The following VPS13B variants were observed in gnomAD, a reference collection of about 807,000 sequenced individuals.
VPS13B encodes the protein vacuolar protein sorting 13 homolog B.
Under a neutral mutation model 426.4 loss-of-function variants are expected in VPS13B, and 285 were observed. The ratio of observed to expected loss-of-function variants is 0.67; its 90% CI spans 0.61 to 0.74. The LOEUF is 0.74. Among genes scored for constraint, VPS13B ranks in the 30% least tolerant of loss-of-function variants. The pLI, the probability that VPS13B is intolerant of heterozygous loss-of-function variation, is 0.00. For synonymous variants in VPS13B, 1,676 were observed against 1,676.4 expected, an observed-to-expected ratio of 1.00 and a Z score of 0.01; for missense variants, 4,537 against 4,782.6, an observed-to-expected ratio of 0.95 and a Z score of 1.51.
chr8:99,301,480 G>C (rs1372825818), intron 19 of VPS13B, among the ~76,000 whole-genome samples: 12 of 151,850 alleles, frequency 7.9e-5, no homozygotes, highest in Admixed American at 7.9e-4. Context: ...AGTAGAGATG[G>C]GGTTTCTCCA....
intron 40 of VPS13B, among the ~76,000 whole-genome samples, chr8:99,770,733 C>T (rs1323465586): frequency 2.0e-5 from 3 of 152,182 alleles, no homozygotes; most frequent in African/African-American, 7.2e-5. Context: ...TTGTGGGTAC[C>T]TCCCACTGAC....
chr8:99,248,719 A>G (rs1318138640), intron 17 of VPS13B, among the ~76,000 whole-genome samples: 2 of 152,218 alleles, frequency 1.3e-5, no homozygotes, highest in Non-Finnish European at 2.9e-5. Flanking sequence ...AGGATAACAA[A>G]TAGGTGTTTT....
chr8:99,795,296 C>T (rs1812750247), intron 43 of VPS13B, among the ~76,000 whole-genome samples: 1 of 152,152 alleles, frequency 6.6e-6, no homozygotes, highest in Admixed American at 6.5e-5. Context: ...GCAAGGATCC[C>T]CTTTCCACCC....
chr8:99,477,799 T>C (rs1470657520), intron 24 of VPS13B, among the ~76,000 whole-genome samples: 7 of 152,228 alleles, frequency 4.6e-5, no homozygotes, highest in African/African-American at 1.7e-4. Flanking sequence ...TGCCATTCAG[T>C]GTTCTTAGAC....
chr8:99,087,617 T>G (rs1471610768), intron 3 of VPS13B, among the ~76,000 whole-genome samples: 3 of 146,710 alleles, frequency 2.0e-5, no homozygotes, highest in Admixed American at 6.8e-5. Flanking sequence ...GTTTTTTTGT[T>G]TTTTTTTTTT....
At chr8:99,704,702 C>T (rs1374076039) in intron 36 of VPS13B, among the ~76,000 whole-genome samples, 1 of 152,128 alleles carries the variant, frequency 6.6e-6, no homozygotes, top group East Asian at 1.9e-4. Flanking sequence ...AAATCACTAA[C>T]AAACCTTAAT....
At chr8:99,425,776 A>G (rs1000006188) in intron 21 of VPS13B, among the ~76,000 whole-genome samples, 1 of 152,162 alleles carries the variant, frequency 6.6e-6, no homozygotes, top group Non-Finnish European at 1.5e-5. Flanking sequence ...CTGTTTGCAG[A>G]TGACATGATT....
chr8:99,601,096 C>T (rs1417011072), intron 33 of VPS13B, among the ~76,000 whole-genome samples: 1 of 151,944 alleles, frequency 6.6e-6, no homozygotes, highest in East Asian at 1.9e-4. Context: ...GTTTGCTGCA[C>T]CCATCAACCC....
intron 34 of VPS13B, among the ~76,000 whole-genome samples, chr8:99,654,694 G>A (rs1308201334): frequency 6.6e-6 from 1 of 151,946 alleles, no homozygotes; most frequent in Non-Finnish European, 1.5e-5. Context: ...AGGCTGCTTG[G>A]GAGCTTTAAT....
intron 3 of VPS13B, among the ~76,000 whole-genome samples, chr8:99,083,426 T>A (rs1454361487): frequency 2.0e-5 from 3 of 152,130 alleles, no homozygotes; most frequent in Non-Finnish European, 1.5e-5. Flanking sequence ...ACTTCCCCTT[T>A]TCCTAATTGA....
intron 19 of VPS13B, among the ~76,000 whole-genome samples, chr8:99,298,213 G>T (rs1186484373): frequency 1.3e-5 from 2 of 152,182 alleles, no homozygotes; most frequent in Admixed American, 1.3e-4. Context: ...TGTCGGCCGG[G>T]TGCGGTGGCT....
intron 16 of VPS13B, among the ~76,000 whole-genome samples, chr8:99,187,798 G>C (rs1273777544): frequency 6.6e-6 from 1 of 152,028 alleles, no homozygotes; most frequent in South Asian, 2.1e-4. Flanking sequence ...GTGAGATCCT[G>C]TCTCTATAAA....
At chr8:99,384,367 C>A in intron 20 of VPS13B, 50 bp downstream of exon 20, 1 of 1,418,468 alleles carries the variant, frequency 7.0e-7, no homozygotes, top group South Asian at 1.2e-5. Context: ...TTTTCTTATT[C>A]ATTTAGTAGA....
chr8:99,391,262 G>T, intron 20 of VPS13B, among the ~76,000 whole-genome samples: 1 of 151,314 alleles, frequency 6.6e-6, no homozygotes, highest in South Asian at 2.1e-4. Flanking sequence ...ACATTTTCTG[G>T]GTACTTACAG....
At chr8:99,042,519 C>A (rs1393847302) in intron 3 of VPS13B, among the ~76,000 whole-genome samples, 1 of 152,050 alleles carries the variant, frequency 6.6e-6, no homozygotes, top group African/African-American at 2.4e-5. Context: ...ACAGGTTTAG[C>A]TAGATTTTAA....
chr8:99,400,296 T>C (rs1482238892), intron 21 of VPS13B, among the ~76,000 whole-genome samples: 1 of 152,080 alleles, frequency 6.6e-6, no homozygotes, highest in Non-Finnish European at 1.5e-5. Flanking sequence ...AGAACCCCCA[T>C]CCCCACCCCA....
intron 11 of VPS13B, 92 bp downstream of exon 11, chr8:99,135,825 A>C (rs1810044006): frequency 6.5e-7 from 1 of 1,533,866 alleles, no homozygotes. Context: ...CTTTTCAAAT[A>C]ATGCCTTCTG....
chr8:99,385,352 GT>G (rs1179971242), intron 20 of VPS13B, among the ~76,000 whole-genome samples: 1 of 152,158 alleles, frequency 6.6e-6, no homozygotes, highest in Non-Finnish European at 1.5e-5. Flanking sequence ...ATTTGGAATA[GT>G]TTTGTATCGT....
chr8:99,345,921 G>A (rs898545681), intron 19 of VPS13B: 1 of 152,298 alleles, frequency 6.6e-6, no homozygotes, highest in Non-Finnish European at 1.5e-5. Context: ...CCATCTTAGA[G>A]CAGAAGGCCA....
Sources: gnomAD v4.1 joint callset for allele counts (sites outside exome capture counted in the v4.1 genomes callset) on GRCh38, gnomAD v4.1.1 for gene constraint, MANE v1.5 for transcripts, NCBI Gene and HGNC (gene_info 2026-07-23, HGNC 2026-07-21) for gene names.